The following DLEU7 variants were observed in gnomAD, a reference collection of about 807,000 sequenced individuals.
DLEU7 encodes the protein deleted in lymphocytic leukemia 7, also known as leukemia-associated protein 7.
Under a neutral mutation model 16.0 loss-of-function variants are expected in DLEU7, and 17 were observed. The ratio of observed to expected loss-of-function variants is 1.06; its 90% CI spans 0.73 to 1.59. DLEU7 has a LOEUF of 1.59. Among genes scored for constraint, DLEU7 ranks in the 40% most tolerant of loss-of-function variants. The pLI is 0.00. For synonymous variants in DLEU7, 113 were observed against 139.8 expected, an observed-to-expected ratio of 0.81 and a Z score of 1.35; for missense variants, 308 against 314.9, an observed-to-expected ratio of 0.98 and a Z score of 0.17.
In DLEU7 at chr13:50,755,110, T is replaced by C. The variant is rs528184386; in HGVS notation, c.460-41870A>G. 2.0e-5 allele frequency among the ~76,000 whole-genome samples: 3 copies of C among 152,342 alleles called. No individual in the cohort carries two copies. The South Asian group carries it at 6.2e-4, about 32-fold the overall frequency. Reference sequence around the variant, plus strand: ...TAGGTTAACTGGTGCCTTTGTCTCATAGCTCTTAAGATTCCTTCCTTCGTC... The same window carrying C: ...TAGGTTAACTGGTGCCTTTGTCTCACAGCTCTTAAGATTCCTTCCTTCGTC... On this transcript the variant is annotated intron_variant, in intron 1 of 1. Coordinates refer to the DLEU7 transcript ENST00000400393.
intron 1 of DLEU7, among the ~76,000 whole-genome samples, chr13:50,731,264 A>G (rs1185577293): frequency 1.3e-5 from 2 of 152,154 alleles, no homozygotes; most frequent in Non-Finnish European, 2.9e-5. Context: ...CTGTGCTTTC[A>G]TTGCTTCATT....
intron 1 of DLEU7, among the ~76,000 whole-genome samples, chr13:50,827,513 T>TA (rs200738869): frequency 0.011 from 1,570 of 136,814 alleles, 20 homozygotes; most frequent in African/African-American, 0.034. Context: ...ACCCTGTCTC[T>TA]AAAAAAAAAA....
intron 1 of DLEU7, among the ~76,000 whole-genome samples, chr13:50,809,928 CTGTT>C (rs1289397481): frequency 6.6e-6 from 1 of 151,980 alleles, no homozygotes; most frequent in African/African-American, 2.4e-5. Flanking sequence ...GTTAGGGACT[CTGTT>C]TGTGACACAG....
intron 1 of DLEU7, among the ~76,000 whole-genome samples, chr13:50,716,288 G>C (rs951622203): frequency 6.6e-6 from 1 of 152,184 alleles, no homozygotes; most frequent in Non-Finnish European, 1.5e-5. Context: ...TCCATTAACA[G>C]GAACTCAAGC....
At chr13:50,773,547 G>C (rs1048087341) in intron 1 of DLEU7, among the ~76,000 whole-genome samples, 1 of 152,152 alleles carries the variant, frequency 6.6e-6, no homozygotes, top group Non-Finnish European at 1.5e-5. Flanking sequence ...AGGTCTGTTG[G>C]AGTTTGCTGG....
intron 1 of DLEU7, among the ~76,000 whole-genome samples, chr13:50,756,975 T>G (rs758796902): frequency 3.3e-5 from 5 of 152,182 alleles, no homozygotes; most frequent in Non-Finnish European, 7.4e-5. Flanking sequence ...CTCCCGCAAA[T>G]TAAGCCTTCT....
chr13:50,804,060 G>C (rs1378839456), intron 1 of DLEU7, among the ~76,000 whole-genome samples: 1 of 152,012 alleles, frequency 6.6e-6, no homozygotes, highest in African/African-American at 2.4e-5. Context: ...TTTTTAGAGG[G>C]CTAGAATGAA....
At chr13:50,775,106 T>C (rs998048066) in intron 1 of DLEU7, among the ~76,000 whole-genome samples, 1 of 152,004 alleles carries the variant, frequency 6.6e-6, no homozygotes, top group Non-Finnish European at 1.5e-5. Context: ...CTCTTTCTAC[T>C]TCTGTTATTC....
At chr13:50,785,352 C>T (rs1875770623) in intron 1 of DLEU7, among the ~76,000 whole-genome samples, 2 of 152,158 alleles carry the variant, frequency 1.3e-5, no homozygotes, top group Admixed American at 1.3e-4. Flanking sequence ...TGTAACACTA[C>T]AATTTTCTTA....
intron 1 of DLEU7, among the ~76,000 whole-genome samples, chr13:50,760,589 C>T (rs966676219): frequency 2.6e-5 from 4 of 152,214 alleles, no homozygotes; most frequent in African/African-American, 9.7e-5. Flanking sequence ...TCTCAAACTC[C>T]TGGCCTCAAG....
chr13:50,779,666 AG>A (rs1188134479), intron 1 of DLEU7, among the ~76,000 whole-genome samples: 1 of 152,122 alleles, frequency 6.6e-6, no homozygotes, highest in Non-Finnish European at 1.5e-5. Context: ...TTCCTCTCCC[AG>A]GTCTCACGGA....
chr13:50,823,154 G>T lies in DLEU7; in HGVS notation c.*160C>A. On this transcript the variant is annotated 3_prime_UTR_variant, in exon 2 of 2. Transcript: ENST00000504404. ...AATTTCATTAACATGCTATAATCCC[G>T]AAGGCTACAGATGCCACTGGTCAGA... is the stretch of plus-strand genomic sequence containing the variant. 1 of 1,417,064 alleles carries T rather than the reference G, an allele frequency of 7.1e-7. No individual in the cohort carries two copies. The highest frequency in any genetic ancestry group is 9.2e-7 in the Non-Finnish European group (1 of 1,087,578). The allele number at this position is 1,417,064 out of a possible 1,614,324, so 87.8% of individuals were successfully genotyped here. A position where few individuals can be genotyped will look rare whatever the true frequency, so the allele number is the denominator to read the frequency against.
chr13:50,825,277 G>A (rs570957774), intron 1 of DLEU7, among the ~76,000 whole-genome samples: 1 of 152,168 alleles, frequency 6.6e-6, no homozygotes, highest in Admixed American at 6.5e-5. Flanking sequence ...TTCCTGAAAG[G>A]CAGATCACAA....
At chr13:50,752,175 C>T in intron 1 of DLEU7, among the ~76,000 whole-genome samples, 1 of 151,814 alleles carries the variant, frequency 6.6e-6, no homozygotes, top group East Asian at 1.9e-4. Context: ...CCTCAGCCTC[C>T]CTAGTAGCTG....
At chr13:50,729,635 T>A (rs1294924661) in intron 1 of DLEU7, among the ~76,000 whole-genome samples, 1 of 152,234 alleles carries the variant, frequency 6.6e-6, no homozygotes, top group Non-Finnish European at 1.5e-5. Flanking sequence ...CTGAACTAAT[T>A]TATAATACAG....
intron 1 of DLEU7, among the ~76,000 whole-genome samples, chr13:50,800,126 A>G (rs1876206988): frequency 1.3e-5 from 2 of 152,190 alleles, no homozygotes; most frequent in Non-Finnish European, 2.9e-5. Flanking sequence ...TGAGGGTGGC[A>G]GATTAAGAAA....
intron 1 of DLEU7, among the ~76,000 whole-genome samples, chr13:50,734,372 C>T (rs1264028923): frequency 6.6e-6 from 1 of 152,136 alleles, no homozygotes; most frequent in Non-Finnish European, 1.5e-5. Context: ...TCCACCTTAT[C>T]GTCCTCTGAG....
At chr13:50,761,697 G>A (rs1411480182) in intron 1 of DLEU7, among the ~76,000 whole-genome samples, 2 of 152,014 alleles carry the variant, frequency 1.3e-5, no homozygotes, top group African/African-American at 2.4e-5. Flanking sequence ...TGAATCATGG[G>A]CCCCAATCTG....
At chr13:50,761,860 A>G (rs1480804326) in intron 1 of DLEU7, among the ~76,000 whole-genome samples, 2 of 152,214 alleles carry the variant, frequency 1.3e-5, no homozygotes, top group Non-Finnish European at 2.9e-5. Context: ...TCTTTAAAAC[A>G]TTAATGAAAT....
Sources: allele counts gnomAD v4.1 joint callset (sites outside exome capture counted in the v4.1 genomes callset), GRCh38; gene constraint gnomAD v4.1.1; transcripts MANE v1.5; gene names NCBI Gene and HGNC (gene_info 2026-07-23, HGNC 2026-07-21).